LRRC7: variants seen among roughly 807,000 people sequenced by gnomAD.
LRRC7 encodes the protein leucine rich repeat containing 7.
In LRRC7, 23 loss-of-function variants were observed where a neutral mutation model predicts 175.7. That is an observed-to-expected ratio of 0.13 (90% CI 0.09 to 0.19). The LOEUF (loss-of-function observed/expected upper bound fraction) is 0.19, where lower values mean the gene tolerates loss of function less well. LRRC7 is among the 10% of genes least tolerant of loss of function. The pLI, the probability that LRRC7 is intolerant of heterozygous loss-of-function variation, is 1.00. For synonymous variants in LRRC7, 685 were observed against 680.9 expected (o/e 1.01, Z -0.09); for missense variants, 1,354 against 1,904.7 (o/e 0.71, Z 5.38).
intron 7 of LRRC7, among the ~76,000 whole-genome samples, chr1:69,868,676 T>G (rs4564093): frequency 0.48 from 72,213 of 151,780 alleles, 17,480 homozygotes; most frequent in East Asian, 0.55. Context: ...ATATACATAA[T>G]GCATGTATTC....
At chr1:69,890,886 T>G (rs1371828512) in intron 7 of LRRC7, among the ~76,000 whole-genome samples, 1 of 152,220 alleles carries the variant, frequency 6.6e-6, no homozygotes, top group Non-Finnish European at 1.5e-5. Context: ...TCAGCTTCCT[T>G]ACTTTTCTCA....
chr1:69,581,932 C>A (rs1292205730), intron 1 of LRRC7, among the ~76,000 whole-genome samples: 2 of 152,156 alleles, frequency 1.3e-5, no homozygotes, highest in Non-Finnish European at 2.9e-5. Context: ...TTGTTTTAAG[C>A]CACCCATCTC....
intron 2 of LRRC7, among the ~76,000 whole-genome samples, chr1:69,712,894 T>C (rs1048418911): frequency 3.9e-5 from 6 of 152,156 alleles, no homozygotes; most frequent in African/African-American, 1.4e-4. Context: ...AAAGCAAGTC[T>C]ATGCATACTT....
intron 1 of LRRC7, among the ~76,000 whole-genome samples, chr1:69,649,383 T>C (rs1655454231): frequency 6.6e-6 from 1 of 152,204 alleles, no homozygotes; most frequent in South Asian, 2.1e-4. Flanking sequence ...GGATGATATA[T>C]GTGCTTTGCC....
intron 1 of LRRC7, among the ~76,000 whole-genome samples, chr1:69,611,729 C>T (rs1648767530): frequency 6.6e-6 from 1 of 151,972 alleles, no homozygotes; most frequent in African/African-American, 2.4e-5. Flanking sequence ...TACTTCAGCA[C>T]TATGTTTGAT....
chr1:69,828,601 G>T (rs1680190542), intron 5 of LRRC7, among the ~76,000 whole-genome samples: 2 of 151,936 alleles, frequency 1.3e-5, no homozygotes, highest in Non-Finnish European at 2.9e-5. Flanking sequence ...ATATAAGTTT[G>T]CAGTGTTGTT....
chr1:70,062,918 A>T (rs962518986), intron 23 of LRRC7, among the ~76,000 whole-genome samples: 1 of 151,528 alleles, frequency 6.6e-6, no homozygotes, highest in African/African-American at 2.4e-5. Context: ...AATGGAAAAA[A>T]AATCTCTAAC....
At chr1:69,997,281 C>T (rs1655076730) in intron 11 of LRRC7, among the ~76,000 whole-genome samples, 1 of 152,176 alleles carries the variant, frequency 6.6e-6, no homozygotes, top group Non-Finnish European at 1.5e-5. Context: ...AGTTGCTTAT[C>T]AGCTGAAGGA....
chr1:69,862,555 A>T (rs1387892693), intron 7 of LRRC7, among the ~76,000 whole-genome samples: 1 of 152,176 alleles, frequency 6.6e-6, no homozygotes, highest in Non-Finnish European at 1.5e-5. Context: ...GAAAATTCTG[A>T]ATCATCAGAA....
intron 17 of LRRC7, among the ~76,000 whole-genome samples, chr1:70,026,132 T>C (rs992347825): frequency 6.6e-6 from 1 of 152,158 alleles, no homozygotes; most frequent in East Asian, 1.9e-4. Flanking sequence ...TTCAATGAAG[T>C]ATTTAATTCA....
chr1:69,834,820 C>G lies in LRRC7; in HGVS notation c.541C>G (p.Leu181Val), dbSNP rs1176362963. The change falls in exon 6 of 27, where the codon CTC becomes GTC. Residue 181 changes from leucine to valine, a missense_variant. By Grantham distance (32) the Leu-to-Val change is conservative. This residue lies in a region of LRRC7 where 201 missense variants were observed against 481.4 expected (regional missense o/e 0.42). Transcript: ENST00000651989. ...CACACAGCTCCTAAACCTGACCCAG[C>G]TCTACCTGAATGACGCCTTTCTTGA... is the stretch of plus-strand genomic sequence containing the variant. Reference protein sequence around the residue: ...GFTQLLNLTQLYLNDAFLEFL... With the variant: ...GFTQLLNLTQVYLNDAFLEFL... 1 of 1,613,226 alleles carries G rather than the reference C, an allele frequency of 6.2e-7. No homozygotes were observed.
At chr1:70,089,279 CA>C (rs1236124195) in intron 24 of LRRC7, among the ~76,000 whole-genome samples, 1 of 152,118 alleles carries the variant, frequency 6.6e-6, no homozygotes, top group South Asian at 2.1e-4. Context: ...TACTACAAAG[CA>C]GGCACAATTT....
intron 1 of LRRC7, among the ~76,000 whole-genome samples, chr1:69,616,545 T>C (rs985375103): frequency 6.6e-6 from 1 of 152,098 alleles, no homozygotes; most frequent in Admixed American, 6.6e-5. Flanking sequence ...GAAAGCTTAA[T>C]GTAAAATGTT....
At chr1:69,859,067 G>A (rs1684059974) in intron 7 of LRRC7, among the ~76,000 whole-genome samples, 1 of 152,054 alleles carries the variant, frequency 6.6e-6, no homozygotes. Flanking sequence ...TAACTGATCA[G>A]GAATTGAATG....
chr1:69,881,787 G>A (rs1686631713), intron 7 of LRRC7, among the ~76,000 whole-genome samples: 2 of 151,562 alleles, frequency 1.3e-5, no homozygotes, highest in Admixed American at 6.6e-5. Flanking sequence ...GGCTGAGGTG[G>A]GAGGATCACT....
chr1:69,740,339 A>T (rs1668574739), intron 2 of LRRC7, among the ~76,000 whole-genome samples: 1 of 152,020 alleles, frequency 6.6e-6, no homozygotes, highest in Non-Finnish European at 1.5e-5. Flanking sequence ...CTGTGTGTAC[A>T]CATCCCTAGT....
intron 1 of LRRC7, among the ~76,000 whole-genome samples, chr1:69,588,816 T>G (rs969726590): frequency 1.3e-5 from 2 of 152,220 alleles, no homozygotes; most frequent in Non-Finnish European, 2.9e-5. Flanking sequence ...TGACAAAATA[T>G]AACTTTAAAA....
At chr1:69,930,026 G>A (rs1314926907) in intron 7 of LRRC7, among the ~76,000 whole-genome samples, 1 of 151,764 alleles carries the variant, frequency 6.6e-6, no homozygotes, top group Non-Finnish European at 1.5e-5. Flanking sequence ...TCTCATTGAG[G>A]CCTTACCTGA....
At chr1:69,862,739 G>A (rs761749188) in intron 7 of LRRC7, among the ~76,000 whole-genome samples, 4 of 151,890 alleles carry the variant, frequency 2.6e-5, no homozygotes, top group South Asian at 2.1e-4. Flanking sequence ...GTACATGTGC[G>A]GAATGTACAG....
Sources: gnomAD v4.1 joint callset for allele counts (sites outside exome capture counted in the v4.1 genomes callset) on GRCh38, gnomAD v4.1.1 for gene constraint, gnomAD v4.1.1 regional missense constraint, MANE v1.5 for transcripts, NCBI Gene and HGNC (gene_info 2026-07-23, HGNC 2026-07-21) for gene names.